The following ATF2 variants were observed in gnomAD, a reference collection of about 807,000 sequenced individuals.
ATF2 encodes the protein activating transcription factor 2, also known as cyclic AMP-dependent transcription factor ATF-2.
In ATF2, 24 loss-of-function variants were observed where a neutral mutation model predicts 60.6. The observed-to-expected ratio is 0.40, with a 90% CI of 0.29 to 0.56. The LOEUF is 0.56. ATF2 is among the 20% of genes least tolerant of loss of function. The probability of loss-of-function intolerance (pLI) is 0.54; values close to 1 mark genes in which losing one functional copy is unlikely to be tolerated. For missense variants in ATF2, 433 were observed against 607.7 expected, an observed-to-expected ratio of 0.71 and a Z score of 3.02; for synonymous variants, 206 against 215.4, an observed-to-expected ratio of 0.96 and a Z score of 0.38.
intron 10 of ATF2, among the ~76,000 whole-genome samples, chr2:175,104,941 G>A (rs1276592176): frequency 6.6e-6 from 1 of 152,094 alleles, no homozygotes; most frequent in Non-Finnish European, 1.5e-5. Context: ...CTGAGATAAT[G>A]GGCCTGTGAT....
At chr2:175,124,900 C>T (rs1697218794) in intron 4 of ATF2, among the ~76,000 whole-genome samples, 1 of 151,876 alleles carries the variant, frequency 6.6e-6, no homozygotes, top group African/African-American at 2.4e-5. Flanking sequence ...TTACTAAATT[C>T]CAAGGAGCAT....
chr2:175,139,929 G>A (rs1262610958), intron 2 of ATF2, among the ~76,000 whole-genome samples: 1 of 151,994 alleles, frequency 6.6e-6, no homozygotes, highest in Non-Finnish European at 1.5e-5. Flanking sequence ...TGAACATAAA[G>A]TAAAATGAAG....
At chr2:175,155,582 GA>G (rs1449831808) in intron 1 of ATF2, among the ~76,000 whole-genome samples, 1 of 152,154 alleles carries the variant, frequency 6.6e-6, no homozygotes, top group Non-Finnish European at 1.5e-5. Flanking sequence ...CCGCAAGAAT[GA>G]AGAAATCAGT....
At chr2:175,165,364 A>G (rs544236213) in intron 1 of ATF2, among the ~76,000 whole-genome samples, 2 of 152,228 alleles carry the variant, frequency 1.3e-5, no homozygotes, top group Non-Finnish European at 2.9e-5. Flanking sequence ...TATATTTCAT[A>G]TTGGAAGGAA....
intron 10 of ATF2, among the ~76,000 whole-genome samples, chr2:175,100,420 C>G (rs756428615): frequency 5.3e-5 from 8 of 152,124 alleles, no homozygotes; most frequent in Non-Finnish European, 8.8e-5. Context: ...TCATCTTAAG[C>G]ATTGGTTTGA....
intron 10 of ATF2, among the ~76,000 whole-genome samples, chr2:175,107,777 C>T (rs529991824): frequency 3.9e-4 from 60 of 152,262 alleles, no homozygotes; most frequent in African/African-American, 1.4e-3. Flanking sequence ...CTGTGTTGGC[C>T]GGGCTGGTCT....
At chr2:175,148,450 T>C (rs531884020) in intron 2 of ATF2, among the ~76,000 whole-genome samples, 16 of 152,204 alleles carry the variant, frequency 1.1e-4, no homozygotes, top group African/African-American at 3.9e-4. Flanking sequence ...AGCTGAAGTG[T>C]GGGACTGTAA....
At chr2:175,142,720 A>AGAGT (rs1491359659) in intron 2 of ATF2, among the ~76,000 whole-genome samples, 256 of 71,164 alleles carry the variant, frequency 3.6e-3, no homozygotes, top group Non-Finnish European at 4.3e-3. Flanking sequence ...AGAGAGAGAG[A>AGAGT]GTGTGTGTGT....
intron 1 of ATF2, among the ~76,000 whole-genome samples, chr2:175,157,917 G>C (rs996450725): frequency 1.3e-5 from 2 of 152,008 alleles, no homozygotes; most frequent in African/African-American, 2.4e-5. Flanking sequence ...GCTTGAACCC[G>C]GGAGGCAGAG....
intron 4 of ATF2, 95 bp from the exon 5 acceptor site, chr2:175,121,635 C>T (rs911562940): frequency 1.1e-6 from 1 of 906,218 alleles, no homozygotes; most frequent in African/African-American, 1.7e-5. Flanking sequence ...TGTAAAACCA[C>T]CATTAACAGT....
intron 11 of ATF2, 96 bp downstream of exon 11, chr2:175,097,348 T>C (rs1694999120): frequency 1.3e-6 from 2 of 1,488,096 alleles, no homozygotes; most frequent in African/African-American, 2.8e-5. Flanking sequence ...AATAACAACA[T>C]GACCAGAGTA....
Position 175,163,471 on chromosome 2 carries a change from T to C in ATF2, c.-143+4579A>G, listed in dbSNP as rs142266797. 5.3e-5 allele frequency among the ~76,000 whole-genome samples: 8 copies of C among 152,298 alleles called. No individual in the cohort carries two copies. The East Asian group carries it at 1.5e-3, about 29-fold the overall frequency. On this transcript the variant is annotated intron_variant, in intron 1 of 13. Coordinates refer to ENST00000264110, the MANE Select transcript of ATF2 (RefSeq NM_001880.4). The stretch of plus-strand genomic sequence containing the variant: ...TGTGGTAATAAGCCACTACTACTGT[T>C]GGAAGTATTTTGTATTCCTTGGGTA...
chr2:175,151,687 TAAC>T (rs908877037), intron 1 of ATF2, among the ~76,000 whole-genome samples: 2 of 152,098 alleles, frequency 1.3e-5, no homozygotes, highest in Admixed American at 1.3e-4. Flanking sequence ...AAACTCAAAA[TAAC>T]AACGGAATGA....
chr2:175,091,054 A>G (rs866746117), intron 12 of ATF2, among the ~76,000 whole-genome samples: 5 of 152,216 alleles, frequency 3.3e-5, no homozygotes, highest in Admixed American at 1.3e-4. Context: ...GGGTCAAAGC[A>G]GAAAACTTGC....
At chr2:175,119,807 T>A (rs1696831592) in intron 5 of ATF2, among the ~76,000 whole-genome samples, 1 of 151,622 alleles carries the variant, frequency 6.6e-6, no homozygotes, top group South Asian at 2.1e-4. Context: ...ATCAGAAGGC[T>A]CTTAACTTAC....
At chr2:175,163,096 T>C (rs1351208508) in intron 1 of ATF2, among the ~76,000 whole-genome samples, 1 of 151,920 alleles carries the variant, frequency 6.6e-6, no homozygotes, top group East Asian at 1.9e-4. Context: ...ATCGTGCCAC[T>C]GCACTCCAGC....
At chr2:175,136,510 C>T in intron 2 of ATF2, 24 bp from the exon 3 acceptor site, 1 of 1,426,668 alleles carries the variant, frequency 7.0e-7, no homozygotes. Context: ...TGGTTTCACA[C>T]TGTTAAAAAT....
chr2:175,121,748 T>A (rs1696969576), intron 4 of ATF2, among the ~76,000 whole-genome samples: 1 of 151,298 alleles, frequency 6.6e-6, no homozygotes, highest in African/African-American at 2.4e-5. Context: ...GAATAAGCAA[T>A]ACTGATATAT....
chr2:175,145,752 G>A (rs377628122), intron 2 of ATF2, among the ~76,000 whole-genome samples: 6 of 152,218 alleles, frequency 3.9e-5, no homozygotes, highest in Admixed American at 2.6e-4. Flanking sequence ...TATTCAAGAC[G>A]CATCCTGTAC....
Sources: gnomAD v4.1 joint callset for allele counts (sites outside exome capture counted in the v4.1 genomes callset) on GRCh38, gnomAD v4.1.1 for gene constraint, MANE v1.5 for transcripts, NCBI Gene and HGNC (gene_info 2026-07-23, HGNC 2026-07-21) for gene names.